ARHGEF37: variants seen among roughly 807,000 people sequenced by gnomAD.
ARHGEF37 encodes Rho guanine nucleotide exchange factor 37, also known as Rho guanine nucleotide exchange factor (GEF) 37.
In ARHGEF37, 55 loss-of-function variants were observed where a neutral mutation model predicts 71.1. The ratio of observed to expected loss-of-function variants is 0.77; its 90% confidence interval spans 0.62 to 0.97. The LOEUF (loss-of-function observed/expected upper bound fraction) is 0.97, where lower values mean the gene tolerates loss of function less well. ARHGEF37 is among the 50% of genes least tolerant of loss of function. The probability of loss-of-function intolerance (pLI) is 0.00; values close to 1 mark genes in which losing one functional copy is unlikely to be tolerated. For missense variants in ARHGEF37, 765 were observed against 836.8 expected, an observed-to-expected ratio of 0.91 and a Z score of 1.06; for synonymous variants, 327 against 350.6, an observed-to-expected ratio of 0.93 and a Z score of 0.75.
chr5:149,570,611 C>T (rs1430076383), intron 1 of ARHGEF37, among the ~76,000 whole-genome samples: 5 of 150,606 alleles, frequency 3.3e-5, no homozygotes, highest in Admixed American at 1.3e-4. Flanking sequence ...GGCGCGGTGG[C>T]TCACACCTGT....
At chr5:149,586,461 C>T (rs1013542164) in intron 1 of ARHGEF37, among the ~76,000 whole-genome samples, 7 of 152,190 alleles carry the variant, frequency 4.6e-5, no homozygotes, top group African/African-American at 1.2e-4. Context: ...TGGGTTTTCA[C>T]CATGTTGGCC....
At chr5:149,575,026 A>ATGAGGT (rs1561785138) in intron 1 of ARHGEF37, among the ~76,000 whole-genome samples, 1 of 152,170 alleles carries the variant, frequency 6.6e-6, no homozygotes, top group Non-Finnish European at 1.5e-5. Context: ...CTCATTCTTC[A>ATGAGGT]ATGGCTCCCC....
intron 4 of ARHGEF37, among the ~76,000 whole-genome samples, chr5:149,610,411 A>G (rs1764044178): frequency 6.6e-6 from 1 of 152,226 alleles, no homozygotes; most frequent in Admixed American, 6.5e-5. Context: ...TGTAGAGAAT[A>G]TGTATTCGAA....
chr5:149,590,772 T>C (rs6880432), intron 1 of ARHGEF37, among the ~76,000 whole-genome samples: 3,152 of 152,104 alleles, frequency 0.021, 101 homozygotes, highest in African/African-American at 0.072. Flanking sequence ...AATTTTTTTG[T>C]ATTTTTTATA....
At chr5:149,623,879 C>A in intron 9 of ARHGEF37, 133 bp from the exon 10 acceptor site, 1 of 1,224,124 alleles carries the variant, frequency 8.2e-7, no homozygotes, top group Non-Finnish European at 1.1e-6. Flanking sequence ...AGAGATCCTG[C>A]ACAGGGTCAA....
At chr5:149,568,574 C>T (rs1762925284) in intron 1 of ARHGEF37, among the ~76,000 whole-genome samples, 1 of 152,046 alleles carries the variant, frequency 6.6e-6, no homozygotes, top group Non-Finnish European at 1.5e-5. Context: ...TGCCTGTAAT[C>T]CCAGCATTTT....
chr5:149,588,287 T>G (rs1370703853), intron 1 of ARHGEF37, among the ~76,000 whole-genome samples: 1 of 151,586 alleles, frequency 6.6e-6, no homozygotes, highest in African/African-American at 2.4e-5. Context: ...TGTTATAAGA[T>G]TTCTTAAGAT....
chr5:149,562,195 C>G (rs941166476), intron 1 of ARHGEF37, among the ~76,000 whole-genome samples: 1 of 152,070 alleles, frequency 6.6e-6, no homozygotes, highest in African/African-American at 2.4e-5. Context: ...AGAGCCAGGG[C>G]GCTGAGTAGG....
At chr5:149,558,689 ATATGTGTGTGTGTG>A (rs1285536315) in intron 1 of ARHGEF37, among the ~76,000 whole-genome samples, 2 of 52,650 alleles carry the variant, frequency 3.8e-5, no homozygotes, top group Non-Finnish European at 7.1e-5. Context: ...AACCATATAT[ATATGTGTGTGTGTG>A]TGTGTGTGTG....
intron 1 of ARHGEF37, among the ~76,000 whole-genome samples, chr5:149,576,433 T>C (rs965020118): frequency 1.3e-5 from 2 of 152,220 alleles, no homozygotes; most frequent in Non-Finnish European, 2.9e-5. Flanking sequence ...AGAAAGAAGA[T>C]GGTAACACTT....
At chr5:149,592,412 T>C (rs971311391) in intron 1 of ARHGEF37, among the ~76,000 whole-genome samples, 7 of 152,348 alleles carry the variant, frequency 4.6e-5, no homozygotes, top group South Asian at 2.1e-4. Flanking sequence ...CCTTTAAAGA[T>C]TGGCTTTTTT....
intron 1 of ARHGEF37, among the ~76,000 whole-genome samples, chr5:149,596,756 T>C (rs1763559888): frequency 6.6e-6 from 1 of 152,120 alleles, no homozygotes; most frequent in African/African-American, 2.4e-5. Context: ...GCATGGCAAG[T>C]GCAAAAGCAG....
rs1752456229 is a variant in ARHGEF37, at chr5:149,618,954, T to C, written c.806T>C (p.Phe269Ser). 1 of 1,613,666 alleles carries C rather than the reference T, an allele frequency of 6.2e-7. No individual in the cohort carries two copies. The highest frequency in any genetic ancestry group is 1.3e-5 in the African/African-American group (1 of 74,872). ...TACTTTCAGACAGAAGACAAGGAAT[T>C]TGATGATTTAGAAGAGAGGTTCCAG... is the stretch of plus-strand genomic sequence containing the variant. ...GLIPRTEDKE[F>S]DDLEERFQWV... Residue 269 changes from phenylalanine to serine, a missense_variant, in exon 7 of 13, where the codon TTT (phenylalanine) becomes TCT (serine). Coordinates refer to ENST00000333677, the MANE Select transcript of ARHGEF37 (RefSeq NM_001001669.3).
chr5:149,613,537 G>C (rs1752264899), intron 4 of ARHGEF37, among the ~76,000 whole-genome samples: 1 of 152,016 alleles, frequency 6.6e-6, no homozygotes, highest in Non-Finnish European at 1.5e-5. Context: ...AGTACAGACA[G>C]GGTTTCACCA....
intron 1 of ARHGEF37, among the ~76,000 whole-genome samples, chr5:149,583,996 G>A (rs1763170718): frequency 6.6e-6 from 1 of 152,160 alleles, no homozygotes; most frequent in Admixed American, 6.5e-5. Context: ...CTGGATGCCA[G>A]TGATCCTCCC....
In ARHGEF37 at chr5:149,632,339, C is replaced by T; in HGVS notation, c.*148C>T. On this transcript the variant is annotated 3_prime_UTR_variant, in exon 13 of 13. Transcript: ENST00000333677. ...GCACACTCAGGAGGCAGCCAGAAGACATGGGCGGGCCTCGCAGAGTGCTTG... is the reference window on the plus strand; with the variant it reads ...GCACACTCAGGAGGCAGCCAGAAGATATGGGCGGGCCTCGCAGAGTGCTTG... 1.2e-6 allele frequency: 1 copy of T among 851,316 alleles called. No homozygotes were observed. The highest frequency in any genetic ancestry group is 1.7e-5 in the South Asian group (1 of 57,416). 52.7% of individuals were successfully genotyped at this position (851,316 alleles called of 1,614,324 possible). A position where few individuals can be genotyped will look rare whatever the true frequency, so the allele number is the denominator to read the frequency against.
At chr5:149,554,380 C>A (rs1345350398) in intron 1 of ARHGEF37, among the ~76,000 whole-genome samples, 3 of 152,114 alleles carry the variant, frequency 2.0e-5, no homozygotes, top group Non-Finnish European at 4.4e-5. Flanking sequence ...ATGTCTAATC[C>A]TCCTCGCCTT....
chr5:149,560,248 T>C (rs1331854697), intron 1 of ARHGEF37, among the ~76,000 whole-genome samples: 1 of 152,112 alleles, frequency 6.6e-6, no homozygotes, highest in Non-Finnish European at 1.5e-5. Flanking sequence ...CCCAAGTAGT[T>C]GGGATTATAA....
At chr5:149,569,049 C>T (rs1192654739) in intron 1 of ARHGEF37, among the ~76,000 whole-genome samples, 1 of 151,902 alleles carries the variant, frequency 6.6e-6, no homozygotes, top group East Asian at 1.9e-4. Context: ...ATGTGAGATA[C>T]ATTCATGTTG....
Sources: allele counts gnomAD v4.1 joint callset (sites outside exome capture counted in the v4.1 genomes callset), GRCh38; gene constraint gnomAD v4.1.1; transcripts MANE v1.5; gene names NCBI Gene and HGNC (gene_info 2026-07-23, HGNC 2026-07-21).